Variants in AKT3 observed in about 807,000 individuals in gnomAD.
AKT3 encodes RAC-gamma serine/threonine-protein kinase.
Under a neutral mutation model 65.3 loss-of-function variants are expected in AKT3, and 15 were observed. The ratio of observed to expected loss-of-function variants is 0.23; its 90% confidence interval spans 0.15 to 0.35. The LOEUF (loss-of-function observed/expected upper bound fraction) is 0.35, where lower values mean the gene tolerates loss of function less well. Ranked by LOEUF, AKT3 falls within the 10% of genes least tolerant of loss-of-function variation. The pLI, the probability that AKT3 is intolerant of heterozygous loss-of-function variation, is 1.00. For missense variants in AKT3, 243 were observed against 576.5 expected (o/e 0.42, Z 5.92); for synonymous variants, 206 against 183.8 (o/e 1.12, Z -0.98).
chr1:243,497,341 G>A (rs970669656), downstream of AKT3, among the ~76,000 whole-genome samples: 2 of 149,996 alleles, frequency 1.3e-5, no homozygotes, highest in South Asian at 4.3e-4. Context: ...CACGGGTGGG[G>A]GGGGGGGCGT....
At chr1:243,840,714 A>ATT (rs35797982) in intron 2 of AKT3, among the ~76,000 whole-genome samples, 3,111 of 149,462 alleles carry the variant, frequency 0.021, 46 homozygotes, top group Non-Finnish European at 0.027. Context: ...AGAAAAGCTA[A>ATT]TTTTTTTTTT....
At chr1:243,811,511 G>A (rs193107782) in intron 2 of AKT3, among the ~76,000 whole-genome samples, 34,759 of 152,078 alleles carry the variant, frequency 0.23, 4,343 homozygotes, top group East Asian at 0.32. Flanking sequence ...ACTGCTCAAC[G>A]AAATAAGAGA....
intron 2 of AKT3, among the ~76,000 whole-genome samples, chr1:243,790,089 G>C (rs1015300913): frequency 1.6e-4 from 24 of 152,156 alleles, no homozygotes; most frequent in African/African-American, 5.6e-4. Flanking sequence ...AATGGTAAAG[G>C]AGCACTGACT....
At chr1:243,572,617 T>C (rs562095739) in intron 9 of AKT3, among the ~76,000 whole-genome samples, 6 of 152,266 alleles carry the variant, frequency 3.9e-5, no homozygotes, top group Non-Finnish European at 8.8e-5. Flanking sequence ...AACATTTCTG[T>C]AAACATAATA....
At chr1:243,628,668 C>G (rs1002483472) in intron 6 of AKT3, among the ~76,000 whole-genome samples, 1 of 152,150 alleles carries the variant, frequency 6.6e-6, no homozygotes, top group Non-Finnish European at 1.5e-5. Flanking sequence ...ATTGCCACAT[C>G]CTACTGTTCA....
chr1:243,489,862 A>T (rs1665954890), intron 13 of AKT3, among the ~76,000 whole-genome samples: 1 of 152,174 alleles, frequency 6.6e-6, no homozygotes, highest in African/African-American at 2.4e-5. Flanking sequence ...GGGAAAAGGG[A>T]GGAAGGAAAG....
chr1:243,498,383 G>A (rs1347254448), downstream of AKT3, among the ~76,000 whole-genome samples: 1 of 152,174 alleles, frequency 6.6e-6, no homozygotes, highest in African/African-American at 2.4e-5. Context: ...AGCATCCCGT[G>A]GGCCCAGGAA....
chr1:243,846,197 A>C (rs1325824868), intron 1 of AKT3, among the ~76,000 whole-genome samples: 3 of 152,186 alleles, frequency 2.0e-5, no homozygotes, highest in Non-Finnish European at 4.4e-5. Context: ...CATTATTGGA[A>C]AAATACTGTC....
intron 2 of AKT3, among the ~76,000 whole-genome samples, chr1:243,842,782 G>A (rs1428445697): frequency 6.6e-6 from 1 of 152,074 alleles, no homozygotes; most frequent in Admixed American, 6.5e-5. Context: ...ATGCATATAG[G>A]ATCGTACTTT....
chr1:243,696,203 A>C (rs528703335), intron 2 of AKT3, among the ~76,000 whole-genome samples: 2 of 151,900 alleles, frequency 1.3e-5, no homozygotes, highest in African/African-American at 4.8e-5. Context: ...TCTTGACTGT[A>C]ACTTGTTTAA....
intron 1 of AKT3, among the ~76,000 whole-genome samples, chr1:243,845,693 T>A (rs1020658366): frequency 4.6e-5 from 7 of 151,608 alleles, no homozygotes; most frequent in African/African-American, 1.7e-4. Flanking sequence ...CTTGGGAGCC[T>A]CATCATAAAT....
downstream of AKT3, among the ~76,000 whole-genome samples, chr1:243,496,329 C>G (rs550478760): frequency 3.3e-5 from 5 of 152,150 alleles, no homozygotes; most frequent in Admixed American, 6.5e-5. Context: ...GCCCAGAACA[C>G]GAGGCGGAGG....
intron 13 of AKT3, among the ~76,000 whole-genome samples, chr1:243,492,597 C>A (rs1666786766): frequency 2.1e-5 from 3 of 143,140 alleles, no homozygotes; most frequent in South Asian, 2.2e-4. Context: ...AGCCACTGCG[C>A]CCAGCTGTTT....
chr1:243,648,573 G>A (rs1681028974), intron 4 of AKT3, among the ~76,000 whole-genome samples: 1 of 152,082 alleles, frequency 6.6e-6, no homozygotes, highest in Non-Finnish European at 1.5e-5. Flanking sequence ...CTGAAATGAG[G>A]GTGACAGTGG....
intron 2 of AKT3, chr1:243,817,910 A>G (rs1693624136): frequency 6.6e-6 from 1 of 152,258 alleles, no homozygotes; most frequent in East Asian, 1.9e-4. Context: ...GATAAATGCT[A>G]AATTGTAATA....
chr1:243,513,244 A>G (rs80139773), intron 12 of AKT3, among the ~76,000 whole-genome samples: 3,939 of 152,296 alleles, frequency 0.026, 55 homozygotes, highest in Non-Finnish European at 0.042. Flanking sequence ...CCTGCTTCTC[A>G]GGGCTCTAGC....
intron 8 of AKT3, among the ~76,000 whole-genome samples, chr1:243,607,041 G>A (rs893564390): frequency 2.0e-5 from 3 of 152,262 alleles, no homozygotes; most frequent in African/African-American, 7.2e-5. Context: ...GATTTCAGAG[G>A]ATGTGTGGAA....
chr1:243,565,221 C>T (rs1304376578), intron 9 of AKT3, among the ~76,000 whole-genome samples: 1 of 152,138 alleles, frequency 6.6e-6, no homozygotes, highest in African/African-American at 2.4e-5. Flanking sequence ...AAATATACTG[C>T]TGAACCTTTA....
chr1:243,797,583 A>G (rs977513142), intron 2 of AKT3, among the ~76,000 whole-genome samples: 1 of 152,184 alleles, frequency 6.6e-6, no homozygotes, highest in Non-Finnish European at 1.5e-5. Flanking sequence ...CAATCCCAAC[A>G]GCTAGTTAGG....
Sources: allele counts gnomAD v4.1 joint callset (sites outside exome capture counted in the v4.1 genomes callset), GRCh38; gene constraint gnomAD v4.1.1; transcripts MANE v1.5; gene names NCBI Gene and HGNC (gene_info 2026-07-23, HGNC 2026-07-21).